The following BCAS1 variants were observed in gnomAD, a reference collection of about 807,000 sequenced individuals.
BCAS1 encodes the protein breast carcinoma-amplified sequence 1.
Under a neutral mutation model 65.4 loss-of-function variants are expected in BCAS1, and 46 were observed. The observed-to-expected ratio is 0.70, with a 90% CI of 0.55 to 0.90. The LOEUF is 0.90. Ranked by LOEUF, BCAS1 falls within the 40% of genes least tolerant of loss-of-function variation. The probability of loss-of-function intolerance (pLI) is 0.00; values close to 1 mark genes in which losing one functional copy is unlikely to be tolerated. For missense variants in BCAS1, 793 were observed against 771.2 expected (o/e 1.03, Z -0.33); for synonymous variants, 298 against 293.5 (o/e 1.02, Z -0.16).
intron 3 of BCAS1, among the ~76,000 whole-genome samples, chr20:54,040,241 A>G (rs2146197932): frequency 6.6e-6 from 1 of 151,506 alleles, no homozygotes; most frequent in African/African-American, 2.4e-5. Context: ...AAAAACAGAC[A>G]CTGCCATATT....
rs2090869674 is a variant in BCAS1 at position 53,995,050 on chromosome 20, G to C, written c.889C>G (p.Pro297Ala). The part of the protein sequence containing the change: ...IMSFFKTLVS[P>A]NKAETKKDPE... ...TCCTTTTTTGTTTCAGCTTTGTTAG[G>C]TGAAACCTTAAAAGTTTGAGAAAGC... The change falls in exon 6 of 13, where the codon CCT becomes GCT. Residue 297 changes from proline to alanine, a missense_variant. Pro to Ala is a conservative substitution (Grantham distance 27). Transcript: ENST00000688948. 1.2e-6 allele frequency: 2 copies of C among 1,613,052 alleles called. No homozygotes were observed. Among genetic ancestry groups the C allele is most frequent in the East Asian group, 4.5e-5 (2 of 44,838 alleles).
At chr20:54,042,429 A>G (rs2092016686) in intron 3 of BCAS1, among the ~76,000 whole-genome samples, 1 of 152,232 alleles carries the variant, frequency 6.6e-6, no homozygotes, top group Non-Finnish European at 1.5e-5. Context: ...TGTCCCTACA[A>G]TGAAATATTC....
chr20:54,040,901 T>C (rs1276247502), intron 3 of BCAS1, among the ~76,000 whole-genome samples: 1 of 151,310 alleles, frequency 6.6e-6, no homozygotes, highest in African/African-American at 2.4e-5. Flanking sequence ...CATAGCAGCA[T>C]TTTCATAATA....
At chr20:53,995,127 T>C (rs1276996862) in intron 5 of BCAS1, 71 bp from the exon 6 acceptor site, 52 of 1,379,248 alleles carry the variant, frequency 3.8e-5, no homozygotes, top group Non-Finnish European at 6.2e-6. Context: ...CATAGATAAA[T>C]AACTCTTTAG....
intron 4 of BCAS1, among the ~76,000 whole-genome samples, chr20:54,002,430 G>A (rs1256356848): frequency 6.6e-6 from 1 of 152,212 alleles, no homozygotes; most frequent in Non-Finnish European, 1.5e-5. Flanking sequence ...GGCAAAGCCA[G>A]TTCCTGTAAC....
intron 3 of BCAS1, among the ~76,000 whole-genome samples, chr20:54,034,184 T>C (rs1445303099): frequency 6.6e-6 from 1 of 151,404 alleles, no homozygotes; most frequent in African/African-American, 2.4e-5. Context: ...TCATACTGAA[T>C]GGGCAAAAGC....
rs569578562 is a variant in BCAS1 at position 54,062,466 on chromosome 20, A to G, written c.-5-3743T>C. 1.1e-4 allele frequency among the ~76,000 whole-genome samples: 16 copies of G among 152,362 alleles called. No homozygotes were observed. In the East Asian group the frequency reaches 2.9e-3, roughly 28 times the overall value. ...CAAACACATACGTTCATATATACACATGCAAGAATATATACACACAAAGTA... is the reference window on the plus strand; with the variant it reads ...CAAACACATACGTTCATATATACACGTGCAAGAATATATACACACAAAGTA... On this transcript the variant is annotated intron_variant, in intron 1 of 12. Coordinates refer to ENST00000688948, the MANE Select transcript of BCAS1 (RefSeq NM_001366298.2).
At chr20:53,945,507 C>T (rs2145432329) in intron 12 of BCAS1, among the ~76,000 whole-genome samples, 1 of 152,224 alleles carries the variant, frequency 6.6e-6, no homozygotes, top group South Asian at 2.1e-4. Flanking sequence ...CACCCATTAA[C>T]TCGTCATGTA....
intron 7 of BCAS1, among the ~76,000 whole-genome samples, chr20:53,991,125 T>TA (rs1401577600): frequency 2.0e-5 from 3 of 152,210 alleles, no homozygotes; most frequent in Non-Finnish European, 4.4e-5. Flanking sequence ...ATACACTTCT[T>TA]AAACTTTCAA....
At chr20:54,044,293 T>G (rs1036681750) in intron 3 of BCAS1, among the ~76,000 whole-genome samples, 6 of 152,186 alleles carry the variant, frequency 3.9e-5, no homozygotes, top group Non-Finnish European at 5.9e-5. Context: ...AAGACAGAGA[T>G]GAGTGATCTT....
chr20:54,016,130 T>C (rs972239183), intron 4 of BCAS1, among the ~76,000 whole-genome samples: 2 of 152,232 alleles, frequency 1.3e-5, no homozygotes, highest in African/African-American at 4.8e-5. Context: ...AACATTATAC[T>C]ATCACTTTCT....
chr20:54,028,271 G>A (rs746478558), intron 4 of BCAS1, 121 bp downstream of exon 4: 19 of 919,658 alleles, frequency 2.1e-5, no homozygotes, highest in Non-Finnish European at 3.2e-5. Context: ...TTGTTCTAGA[G>A]GGGTCAACAG....
At position 54,041,908 on chromosome 20, in the gene BCAS1, C is replaced by CAAAAAAAAAAAAAAAAAAAAAAAAA. The variant is rs1391284796; in HGVS notation, c.143-12937_143-12936insTTTTTTTTTTTTTTTTTTTTTTTTT. Among the ~76,000 whole-genome samples the CAAAAAAAAAAAAAAAAAAAAAAAAA allele has an allele frequency of 1.5e-3, 102 of 67,322 alleles. 20 individuals carry two copies. Among genetic ancestry groups the CAAAAAAAAAAAAAAAAAAAAAAAAA allele is most frequent in the Middle Eastern group, 0.011 (1 of 92 alleles). The allele number at this position is 67,322 out of a possible 152,430, so 44.2% of individuals were successfully genotyped here. A position where few individuals can be genotyped will look rare whatever the true frequency, so the allele number is the denominator to read the frequency against. On this transcript the variant is annotated intron_variant, in intron 3 of 12. Coordinates refer to ENST00000688948, the MANE Select transcript of BCAS1 (RefSeq NM_001366298.2). ...AGTTCAGAGTGAGACTCTGTCTCCCCCAAAAAAAAAAAAAAAAAAAAAAGA... is the reference window on the plus strand; with the variant it reads ...AGTTCAGAGTGAGACTCTGTCTCCCCAAAAAAAAAAAAAAAAAAAAAAAAACAAAAAAAAAAAAAAAAAAAAAAGA...
chr20:53,960,495 AAGAGAG>A (rs1235672659), intron 10 of BCAS1, among the ~76,000 whole-genome samples: 3 of 82,278 alleles, frequency 3.6e-5, no homozygotes, highest in African/African-American at 8.0e-5. Context: ...AAAAAAAAAA[AAGAGAG>A]AGAGAGTATC....
intron 1 of BCAS1, among the ~76,000 whole-genome samples, chr20:54,064,648 C>T: frequency 6.6e-6 from 1 of 152,200 alleles, no homozygotes; most frequent in East Asian, 1.9e-4. Context: ...TCTCCTGCAT[C>T]TCTGGGGTTC....
intron 4 of BCAS1, among the ~76,000 whole-genome samples, chr20:54,026,340 T>C (rs2091672988): frequency 6.6e-6 from 1 of 152,190 alleles, no homozygotes; most frequent in African/African-American, 2.4e-5. Context: ...TCTTTTTCAA[T>C]AAAGAAAGCT....
intron 5 of BCAS1, among the ~76,000 whole-genome samples, chr20:53,995,349 A>G (rs940874899): frequency 6.6e-6 from 1 of 152,228 alleles, no homozygotes; most frequent in Non-Finnish European, 1.5e-5. Context: ...CCATTACTCC[A>G]AACACATGTG....
intron 3 of BCAS1, among the ~76,000 whole-genome samples, chr20:54,057,537 C>T (rs1568929337): frequency 1.3e-5 from 2 of 152,222 alleles, no homozygotes; most frequent in African/African-American, 2.4e-5. Context: ...TGTAACTCCT[C>T]AGTCTCCTCC....
At chr20:54,036,850 A>T (rs1305428822) in intron 3 of BCAS1, among the ~76,000 whole-genome samples, 2 of 151,456 alleles carry the variant, frequency 1.3e-5, no homozygotes, top group African/African-American at 4.8e-5. Flanking sequence ...GACTTTTAAA[A>T]ACAGTAGTGA....
Sources: allele counts gnomAD v4.1 joint callset (sites outside exome capture counted in the v4.1 genomes callset), GRCh38; gene constraint gnomAD v4.1.1; transcripts MANE v1.5; gene names NCBI Gene and HGNC (gene_info 2026-07-23, HGNC 2026-07-21).